The following TIGAR variants were observed in gnomAD, a reference collection of about 807,000 sequenced individuals.
The protein encoded by TIGAR is fructose-2,6-bisphosphatase TIGAR.
TIGAR carries 7 observed loss-of-function variants against 17.9 expected under a neutral mutation model. That is an observed-to-expected ratio of 0.39 (90% CI 0.22 to 0.73). TIGAR has a LOEUF of 0.73. Among genes scored for constraint, TIGAR ranks in the 30% least tolerant of loss-of-function variants. The pLI, the probability that TIGAR is intolerant of heterozygous loss-of-function variation, is 0.42. For synonymous variants in TIGAR, 94 were observed against 108.6 expected, an observed-to-expected ratio of 0.87 and a Z score of 0.84; for missense variants, 258 against 327.4, an observed-to-expected ratio of 0.79 and a Z score of 1.64.
rs1377971688 is a variant in TIGAR, at chr12:4,358,108, A to C, written c.*5417A>C. Among the ~76,000 whole-genome samples the C allele has an allele frequency of 6.6e-6, 1 of 150,482 alleles. No individual in the cohort carries two copies. Among genetic ancestry groups the C allele is most frequent in the Non-Finnish European group, 1.5e-5 (1 of 67,588 alleles). On this transcript the variant is annotated 3_prime_UTR_variant, in exon 6 of 6. Transcript: ENST00000179259. ...GACAGAGCAAGACTGGGTCTCAAAA[A>C]AAAAAAAAAAAAATCATTTGATAAA...
At position 4,355,853 on chromosome 12, in the gene TIGAR, A is replaced by C. The variant is rs1006131107; in HGVS notation, c.*3162A>C. On this transcript the variant is annotated 3_prime_UTR_variant, in exon 6 of 6. Coordinates refer to ENST00000179259, the MANE Select transcript of TIGAR (RefSeq NM_020375.3). Reference sequence around the variant, plus strand: ...GGAGGACTCGATGGTGTCAGCACTGAAGGATGTAAGATCTGCTGCTCTGGG... The same window carrying C: ...GGAGGACTCGATGGTGTCAGCACTGCAGGATGTAAGATCTGCTGCTCTGGG... Among the ~76,000 whole-genome samples the C allele has an allele frequency of 6.6e-6, 1 of 152,152 alleles. No homozygotes were observed. Among genetic ancestry groups the C allele is most frequent in the Non-Finnish European group, 1.5e-5 (1 of 68,030 alleles).
At chr12:4,351,763 G>A (rs140356175) in intron 5 of TIGAR, among the ~76,000 whole-genome samples, 87 of 152,324 alleles carry the variant, frequency 5.7e-4, no homozygotes, top group African/African-American at 1.6e-3. Flanking sequence ...CCCTGTGCTT[G>A]CATTTCTTTG....
rs531216447 is a variant in TIGAR, at chr12:4,345,907, T to C, written c.193-3912T>C. Among the ~76,000 whole-genome samples, 40 of 151,976 alleles carry C rather than the reference T, an allele frequency of 2.6e-4. 3 individuals are homozygous for C. Among genetic ancestry groups the C allele is most frequent in the Admixed American group, 1.8e-3 (27 of 15,268 alleles). On this transcript the variant is annotated intron_variant, in intron 3 of 5. Transcript: ENST00000179259. ...GAATCTACAAAGAACTCAAACAAAT[T>C]TGCAAGAAAAAAACAACCCCATCAA...
rs2120667185 is a variant in TIGAR at position 4,337,125 on chromosome 12, C to T, written c.157C>T (p.His53Tyr). Residue 53 changes from histidine to tyrosine, a missense_variant, in exon 3 of 6, where the codon CAT becomes TAT. Coordinates refer to ENST00000179259, the MANE Select transcript of TIGAR (RefSeq NM_020375.3). Reference protein sequence around the residue: ...GIFLNNVKFTHAFSSDLMRTK... With the variant: ...GIFLNNVKFTYAFSSDLMRTK... ...ATTTCTGAATAATGTGAAGTTTACT[C>T]ATGCTTTCTCCAGTGATCTCATGAG... 6.2e-7 allele frequency: 1 copy of T among 1,613,380 alleles called. No homozygotes were observed. Among genetic ancestry groups the T allele is most frequent in the East Asian group, 2.2e-5 (1 of 44,864 alleles).
intron 1 of TIGAR, chr12:4,324,568 C>T: frequency 1.9e-6 from 3 of 1,604,806 alleles, no homozygotes; most frequent in East Asian, 2.2e-5. Context: ...GATCATGTCC[C>T]GCAGGTGCGT....
chr12:4,340,133 T>C (rs1864704067), intron 3 of TIGAR, among the ~76,000 whole-genome samples: 1 of 152,220 alleles, frequency 6.6e-6, no homozygotes, highest in South Asian at 2.1e-4. Context: ...TATCCTTGTT[T>C]GCAGATGATA....
At chr12:4,327,433 A>G (rs1864557485) in intron 1 of TIGAR, among the ~76,000 whole-genome samples, 1 of 151,692 alleles carries the variant, frequency 6.6e-6, no homozygotes, top group African/African-American at 2.4e-5. Flanking sequence ...AAAAAGAAAG[A>G]AAGGATGTGA....
chr12:4,332,605 T>C (rs1356531557), intron 2 of TIGAR, among the ~76,000 whole-genome samples: 2 of 152,238 alleles, frequency 1.3e-5, no homozygotes, highest in Non-Finnish European at 2.9e-5. Context: ...TGACACGTGG[T>C]AATGTGGTAA....
chr12:4,335,716 G>A (rs1864650608), intron 2 of TIGAR: 1 of 152,252 alleles, frequency 6.6e-6, no homozygotes, highest in Non-Finnish European at 1.5e-5. Context: ...CAGCAACTAA[G>A]ACAAGGCATC....
intron 2 of TIGAR, among the ~76,000 whole-genome samples, chr12:4,331,941 G>T (rs554846111): frequency 3.5e-4 from 54 of 152,136 alleles, no homozygotes; most frequent in Admixed American, 1.0e-3. Context: ...GGACTTCCGG[G>T]GTTTACAAAA....
intron 1 of TIGAR, chr12:4,324,300 G>A: frequency 1.5e-6 from 1 of 685,816 alleles, no homozygotes; most frequent in East Asian, 2.7e-5. Context: ...GTGAGTCCCC[G>A]GCAAAACCAT....
chr12:4,325,454 T>A (rs926606019), intron 1 of TIGAR, among the ~76,000 whole-genome samples: 9 of 151,972 alleles, frequency 5.9e-5, no homozygotes, highest in African/African-American at 2.2e-4. Context: ...ACAGATACTT[T>A]ATAAAGATCA....
At position 4,354,324 on chromosome 12, in the gene TIGAR, T is replaced by C. The variant is rs915096335; in HGVS notation, c.*1633T>C. ...AAGCAAAAAGGACAGACAATAATTATCTCCATTCCCACCATACTGAAGTCA... is the reference window on the plus strand; with the variant it reads ...AAGCAAAAAGGACAGACAATAATTACCTCCATTCCCACCATACTGAAGTCA... On this transcript the variant is annotated 3_prime_UTR_variant, in exon 6 of 6. Transcript: ENST00000179259. 1.3e-5 allele frequency: 2 copies of C among 151,966 alleles called. No homozygotes were observed. 9.4% of individuals were successfully genotyped at this position (151,966 alleles called of 1,614,324 possible). A position where few individuals can be genotyped will look rare whatever the true frequency, so the allele number is the denominator to read the frequency against.
chr12:4,324,544 A>T (rs1864517208), intron 1 of TIGAR: 1 of 1,608,684 alleles, frequency 6.2e-7, no homozygotes, highest in South Asian at 1.1e-5. Flanking sequence ...GCTGCCCACC[A>T]TCTTGGGCAG....
chr12:4,342,700 A>G (rs1456880964), intron 3 of TIGAR, among the ~76,000 whole-genome samples: 4 of 152,198 alleles, frequency 2.6e-5, no homozygotes, highest in Non-Finnish European at 5.9e-5. Context: ...AGATTTCGGC[A>G]CCACCAGGCC....
rs957438174 is a variant in TIGAR at position 4,357,842 on chromosome 12, A to G, written c.*5151A>G. Among the ~76,000 whole-genome samples the G allele has an allele frequency of 2.5e-4, 38 of 150,604 alleles. No homozygotes were observed. Among genetic ancestry groups the G allele is most frequent in the South Asian group, 8.3e-4 (4 of 4,798 alleles). On this transcript the variant is annotated 3_prime_UTR_variant, in exon 6 of 6. Transcript: ENST00000179259. ...GAGGTGGCTGGGCGTGGTGGCTCGC[A>G]CCTGTAATCCCAGCACTTTGGGAGG...
rs1225756679 is a variant in TIGAR at position 4,352,840 on chromosome 12, A to C, written c.*149A>C. 5 of 669,566 alleles carry C rather than the reference A, an allele frequency of 7.5e-6. No homozygotes were observed. The East Asian group carries it at 1.4e-4, about 18-fold the overall frequency. The allele number at this position is 669,566 out of a possible 1,614,324, so 41.5% of individuals were successfully genotyped here. ...TGGAACCATAGCCACATAAAACTTT[A>C]ATGGACAACCATATAGAATTAACTT... On this transcript the variant is annotated 3_prime_UTR_variant, in exon 6 of 6. Transcript: ENST00000179259.
chr12:4,343,974 G>A (rs576307057), intron 3 of TIGAR, among the ~76,000 whole-genome samples: 2 of 152,262 alleles, frequency 1.3e-5, no homozygotes, highest in African/African-American at 2.4e-5. Flanking sequence ...AAAATTGATA[G>A]ACCGCTAGCA....
At position 4,358,793 on chromosome 12, in the gene TIGAR, CAT is replaced by C. The variant is rs1435295889; in HGVS notation, c.*6103_*6104del. On this transcript the variant is annotated 3_prime_UTR_variant, in exon 6 of 6. Transcript: ENST00000179259. The stretch of plus-strand genomic sequence containing the variant: ...TGTGTGTTGTGTTGCATTTAGTTGT[CAT>C]GTTTCTTCATGTCCTTCCGTCTACT... Among the ~76,000 whole-genome samples the C allele has an allele frequency of 6.8e-6, 1 of 147,976 alleles. No individual in the cohort carries two copies. Among genetic ancestry groups the C allele is most frequent in the Non-Finnish European group, 1.5e-5 (1 of 67,408 alleles).
Sources: allele counts gnomAD v4.1 joint callset (sites outside exome capture counted in the v4.1 genomes callset), GRCh38; gene constraint gnomAD v4.1.1; transcripts MANE v1.5; gene names NCBI Gene and HGNC (gene_info 2026-07-23, HGNC 2026-07-21).